Variants in SPATA1 observed in about 807,000 individuals in gnomAD.
SPATA1 encodes the protein spermatogenesis associated 1, also known as spermatogenesis-associated protein 1.
SPATA1 carries 57 observed loss-of-function variants against 59.6 expected under a neutral mutation model. The ratio of observed to expected loss-of-function variants is 0.96; its 90% CI spans 0.77 to 1.19. The LOEUF is 1.19. Ranked by LOEUF, SPATA1 falls within the 50% of genes most tolerant of loss-of-function variation. The pLI is 0.00. For missense variants in SPATA1, 448 were observed against 480.7 expected, an observed-to-expected ratio of 0.93 and a Z score of 0.64; for synonymous variants, 147 against 163.9, an observed-to-expected ratio of 0.90 and a Z score of 0.79.
intron 6 of SPATA1, among the ~76,000 whole-genome samples, chr1:84,529,609 G>C (rs1053137738): frequency 7.6e-6 from 1 of 131,516 alleles, no homozygotes; most frequent in African/African-American, 2.9e-5. Flanking sequence ...TTGAGACGGA[G>C]TCTCGCTCTG....
At chr1:84,545,843 TATA>T (rs1264336283) in intron 10 of SPATA1, 84 bp downstream of exon 10, 3 of 991,634 alleles carry the variant, frequency 3.0e-6, no homozygotes, top group African/African-American at 1.7e-5. Context: ...ATAATAAAGT[TATA>T]ATTAATATTT....
Position 84,533,774 on chromosome 1 carries a change from T to G in SPATA1, c.717+8T>G, listed in dbSNP as rs973080968. 1 of 1,540,174 alleles carries G rather than the reference T, an allele frequency of 6.5e-7. No individual in the cohort carries two copies. Among genetic ancestry groups the G allele is most frequent in the Non-Finnish European group, 8.8e-7 (1 of 1,139,514 alleles). ...AGAAGACAGGACAATCAGGTACTAT[T>G]TAAAATTTTTTGTTTAAACATGGTA... On this transcript the variant is annotated splice_region_variant and intron_variant, in intron 8 of 12. Coordinates refer to ENST00000490879, the Ensembl canonical transcript of SPATA1.
At chr1:84,522,891 A>G (rs1683082142) in intron 4 of SPATA1, among the ~76,000 whole-genome samples, 1 of 151,422 alleles carries the variant, frequency 6.6e-6, no homozygotes, top group African/African-American at 2.4e-5. Context: ...TATGGCTCCA[A>G]CATATTTTTT....
intron 8 of SPATA1, among the ~76,000 whole-genome samples, chr1:84,535,816 T>A (rs1683655838): frequency 6.6e-6 from 1 of 152,206 alleles, no homozygotes. Flanking sequence ...ATGAATTAAG[T>A]GTTTTTTCCT....
chr1:84,551,604 G>C (rs1163992846), intron 12 of SPATA1: 1 of 152,040 alleles, frequency 6.6e-6, no homozygotes, highest in Non-Finnish European at 1.5e-5. Flanking sequence ...TACTATACTG[G>C]ACAGTGCAGT....
Position 84,532,735 on chromosome 1 carries a change from G to A in SPATA1, c.545-125G>A, listed in dbSNP as rs574394681. The A allele has an allele frequency of 4.2e-4, 255 of 613,790 alleles. No individual in the cohort carries two copies. In the African/African-American group the frequency reaches 4.3e-3, roughly 10 times the overall value. The allele number at this position is 613,790 out of a possible 1,614,324, so 38.0% of individuals were successfully genotyped here. A position where few individuals can be genotyped will look rare whatever the true frequency, so the allele number is the denominator to read the frequency against. ...AAACTATTGACTTATATCTATATAGGAAAGTTCATGGGGATTCTGAAATCT... is the reference window on the plus strand; with the variant it reads ...AAACTATTGACTTATATCTATATAGAAAAGTTCATGGGGATTCTGAAATCT... On this transcript the variant is annotated intron_variant, in intron 6 of 12. Coordinates refer to ENST00000490879, the Ensembl canonical transcript of SPATA1.
chr1:84,554,935 G>A (rs1684384474), downstream of SPATA1: 18 of 1,274,776 alleles, frequency 1.4e-5, no homozygotes, highest in Non-Finnish European at 1.9e-5. Context: ...TAATAAAAAT[G>A]CAAGAAACTA....
At chr1:84,514,519 G>T (rs1682712536) in intron 1 of SPATA1, among the ~76,000 whole-genome samples, 1 of 152,188 alleles carries the variant, frequency 6.6e-6, no homozygotes, top group South Asian at 2.1e-4. Flanking sequence ...GGAGCATCAT[G>T]TCAGCATTCA....
intron 7 of SPATA1, among the ~76,000 whole-genome samples, chr1:84,533,372 A>G (rs1037332551): frequency 1.3e-5 from 2 of 152,224 alleles, no homozygotes; most frequent in Non-Finnish European, 2.9e-5. Context: ...CGAGTTTTAC[A>G]CAGTCTTTTG....
At chr1:84,538,894 G>C (rs1326884779) in intron 8 of SPATA1, among the ~76,000 whole-genome samples, 2 of 152,068 alleles carry the variant, frequency 1.3e-5, no homozygotes, top group Admixed American at 6.5e-5. Context: ...TGACCTCCCA[G>C]ACTCAATCCA....
At chr1:84,515,219 A>G (rs1319422216) in intron 1 of SPATA1, among the ~76,000 whole-genome samples, 2 of 152,310 alleles carry the variant, frequency 1.3e-5, no homozygotes, top group East Asian at 3.9e-4. Flanking sequence ...TTGGATAGAT[A>G]TATAAATACT....
chr1:84,522,926 T>TC, intron 4 of SPATA1, among the ~76,000 whole-genome samples: 1 of 147,362 alleles, frequency 6.8e-6, no homozygotes, highest in African/African-American at 2.5e-5. Flanking sequence ...TTTTTTTTTT[T>TC]CCGAGACGGA....
chr1:84,563,386 G>C (rs747885910), intron 4 of SPATA1: 2 of 1,576,196 alleles, frequency 1.3e-6, no homozygotes, highest in Admixed American at 3.8e-5. Flanking sequence ...GAGCCCCCCG[G>C]AAAGGGACTT....
Position 84,532,994 on chromosome 1 carries a change from A to G in SPATA1, c.659+20A>G, listed in dbSNP as rs1445602510. ...AAAAAGGTAATTAGTATAGATGCTG[A>G]TTCCACATGCCATAATCTAAACAAT... On this transcript the variant is annotated intron_variant, in intron 7 of 12. Coordinates refer to ENST00000490879, the Ensembl canonical transcript of SPATA1. The G allele has an allele frequency of 1.4e-6, 2 of 1,455,546 alleles. No individual in the cohort carries two copies. The highest frequency in any genetic ancestry group is 2.8e-5 in the African/African-American group (2 of 71,040). 90.2% of individuals were successfully genotyped at this position (1,455,546 alleles called of 1,614,324 possible). A position where few individuals can be genotyped will look rare whatever the true frequency, so the allele number is the denominator to read the frequency against.
At chr1:84,536,915 T>C (rs1269065609) in intron 8 of SPATA1, among the ~76,000 whole-genome samples, 1 of 149,700 alleles carries the variant, frequency 6.7e-6, no homozygotes, top group Non-Finnish European at 1.5e-5. Flanking sequence ...AGTCTCACTC[T>C]GTTGCCTAGG....
chr1:84,546,770 T>C (rs186379675), intron 10 of SPATA1, among the ~76,000 whole-genome samples: 3 of 152,306 alleles, frequency 2.0e-5, no homozygotes, highest in Admixed American at 1.3e-4. Context: ...TTTGAGTCCC[T>C]TGGTCTCTTC....
intron 4 of SPATA1, among the ~76,000 whole-genome samples, chr1:84,565,240 C>A (rs1168497091): frequency 6.6e-6 from 1 of 151,800 alleles, no homozygotes; most frequent in Non-Finnish European, 1.5e-5. Flanking sequence ...AACAAGCAAT[C>A]TTTTATTTAG....
At chr1:84,507,151 T>G (rs945022300) in intron 1 of SPATA1, 2 of 152,284 alleles carry the variant, frequency 1.3e-5, no homozygotes, top group East Asian at 3.9e-4. Context: ...ATGTGTGTTA[T>G]GTCACAGCAC....
At chr1:84,563,282 T>A in intron 4 of SPATA1, 1 of 1,570,292 alleles carries the variant, frequency 6.4e-7, no homozygotes, top group South Asian at 1.2e-5. Context: ...AGGAGCCCGC[T>A]GATCTTTATC....
Sources: gnomAD v4.1 joint callset for allele counts (sites outside exome capture counted in the v4.1 genomes callset) on GRCh38, gnomAD v4.1.1 for gene constraint, MANE v1.5 for transcripts, NCBI Gene and HGNC (gene_info 2026-07-23, HGNC 2026-07-21) for gene names.